Variants in ESCO2 observed in about 807,000 individuals in gnomAD.
ESCO2 encodes establishment of sister chromatid cohesion N-acetyltransferase 2, also known as N-acetyltransferase ESCO2.
A neutral mutation model predicts 61.7 loss-of-function variants in ESCO2; 51 were observed. That is an observed-to-expected ratio of 0.83 (90% confidence interval 0.66 to 1.04). The LOEUF (loss-of-function observed/expected upper bound fraction) is 1.04. ESCO2 is among the 50% of genes least tolerant of loss of function. The probability of loss-of-function intolerance (pLI) is 0.00; values close to 1 mark genes in which losing one functional copy is unlikely to be tolerated. For synonymous variants in ESCO2, 230 were observed against 238.2 expected (o/e 0.97, Z 0.32); for missense variants, 692 against 686.2 (o/e 1.01, Z -0.09).
chr8:27,775,163 G>T (rs1027452219), intron 1 of ESCO2, among the ~76,000 whole-genome samples: 3 of 152,178 alleles, frequency 2.0e-5, no homozygotes, highest in African/African-American at 7.2e-5. Context: ...CTTGCTCCGG[G>T]CTCATCAGCT....
chr8:27,790,818 G>A (rs1050564883), intron 7 of ESCO2, among the ~76,000 whole-genome samples: 4 of 152,120 alleles, frequency 2.6e-5, no homozygotes, highest in Admixed American at 1.3e-4. Flanking sequence ...GCAATGCCAC[G>A]TTTAATGCAT....
Position 27,775,557 on chromosome 8 carries a change from A to G in ESCO2, c.43A>G (p.Lys15Glu). 3.1e-6 allele frequency: 5 copies of G among 1,614,146 alleles called. No homozygotes were observed. The highest frequency in any genetic ancestry group is 4.2e-6 in the Non-Finnish European group (5 of 1,179,996). The change falls in exon 2 of 11, where the codon AAG becomes GAG. Residue 15 changes from lysine (K) to glutamate (E), a missense_variant. Physicochemically the swap from Lys to Glu is moderately conservative, Grantham distance 56. Transcript: ENST00000305188. Reference sequence around the variant, plus strand: ...AAGGAAGAGGAAGCAGGATTCTTTGAAGTGTGACAGGTGAATCTCAGCCTG... The same window carrying G: ...AAGGAAGAGGAAGCAGGATTCTTTGGAGTGTGACAGGTGAATCTCAGCCTG... ...TPRKRKQDSLKCDSLLHFTEN... is the reference protein window; with the variant it reads ...TPRKRKQDSLECDSLLHFTEN...
At chr8:27,788,283 T>C (rs907004087) in intron 6 of ESCO2, among the ~76,000 whole-genome samples, 1 of 152,192 alleles carries the variant, frequency 6.6e-6, no homozygotes, top group Non-Finnish European at 1.5e-5. Flanking sequence ...ATAATTAATA[T>C]AGAAGTCCTA....
downstream of ESCO2, chr8:27,811,260 T>TA (rs1303954777): frequency 1.1e-5 from 8 of 748,950 alleles, no homozygotes; most frequent in East Asian, 1.0e-4. Context: ...CCAGAAAATG[T>TA]AAAAATACAC....
chr8:27,796,245 G>A (rs115065240), intron 9 of ESCO2, among the ~76,000 whole-genome samples: 2,435 of 152,058 alleles, frequency 0.016, 65 homozygotes, highest in African/African-American at 0.055. Flanking sequence ...AGTCTCTTAC[G>A]ATCCTTTGTA....
chr8:27,800,067 A>C (rs2128957786), intron 10 of ESCO2, among the ~76,000 whole-genome samples: 1 of 152,268 alleles, frequency 6.6e-6, no homozygotes, highest in Non-Finnish European at 1.5e-5. Flanking sequence ...ACAGATGTGA[A>C]ATTACGCTTC....
At chr8:27,772,688 G>A (rs1804678666), upstream of ESCO2, 6 of 691,720 alleles carry the variant, frequency 8.7e-6, no homozygotes, top group Non-Finnish European at 1.5e-5. Flanking sequence ...AACGCCGGCC[G>A]TGGGCGCCAT....
downstream of ESCO2, chr8:27,810,401 C>A: frequency 6.2e-7 from 1 of 1,607,960 alleles, no homozygotes; most frequent in Non-Finnish European, 8.5e-7. Context: ...CAATTACTTT[C>A]TGGTATGATT....
At chr8:27,782,930 C>G (rs1035141435) in intron 4 of ESCO2, among the ~76,000 whole-genome samples, 2 of 152,078 alleles carry the variant, frequency 1.3e-5, no homozygotes, top group African/African-American at 4.8e-5. Flanking sequence ...TCATTTCTCA[C>G]AGTCTGCATT....
downstream of ESCO2, among the ~76,000 whole-genome samples, chr8:27,813,283 A>G (rs536495725): frequency 4.6e-5 from 7 of 152,112 alleles, no homozygotes; most frequent in East Asian, 1.4e-3. Context: ...ACACTTGGAC[A>G]CAGGGTGGGG....
At chr8:27,802,640 T>C (rs1422818873) in intron 10 of ESCO2, among the ~76,000 whole-genome samples, 1 of 67,098 alleles carries the variant, frequency 1.5e-5, no homozygotes, top group African/African-American at 6.5e-5. Flanking sequence ...AATATATATA[T>C]ATATATATAT....
chr8:27,781,792 T>TC (rs1804934278), intron 4 of ESCO2, among the ~76,000 whole-genome samples: 1 of 151,996 alleles, frequency 6.6e-6, no homozygotes, highest in Non-Finnish European at 1.5e-5. Context: ...CCTCAAGTGA[T>TC]CCCCCCACTT....
the ESCO2 span, among the ~76,000 whole-genome samples, chr8:27,817,753 G>C: frequency 6.6e-6 from 1 of 152,062 alleles, no homozygotes; most frequent in Non-Finnish European, 1.5e-5. Context: ...TTTAAATACA[G>C]CTTTCCAAAC....
chr8:27,803,180 T>C (rs1040095115), intron 10 of ESCO2, 126 bp from the exon 11 acceptor site: 4 of 817,696 alleles, frequency 4.9e-6, no homozygotes, highest in Non-Finnish European at 8.0e-6. Flanking sequence ...CTCTAAAATA[T>C]AAGGCATTTT....
At chr8:27,776,298 CAGT>C (rs759615922) in intron 2 of ESCO2, 61 bp from the exon 3 acceptor site, 29 of 1,337,722 alleles carry the variant, frequency 2.2e-5, no homozygotes, top group Non-Finnish European at 2.7e-5. Flanking sequence ...GCTTACTTAG[CAGT>C]AGATTTATGT....
intron 3 of ESCO2, chr8:27,779,051 A>G (rs1422665129): frequency 6.6e-6 from 1 of 152,408 alleles, no homozygotes; most frequent in Non-Finnish European, 1.5e-5. Flanking sequence ...AGTAGCTGGT[A>G]TTGTAGGCAC....
Position 27,776,525 on chromosome 8 carries a change from C to G in ESCO2, c.217C>G (p.Gln73Glu), listed in dbSNP as rs141222001. 8.7e-6 allele frequency: 14 copies of G among 1,613,956 alleles called. No homozygotes were observed. Among genetic ancestry groups the G allele is most frequent in the Non-Finnish European group, 1.2e-5 (14 of 1,180,020 alleles). Residue 73 changes from glutamine (Q) to glutamate (E), a missense_variant, in exon 3 of 11, where the codon CAA becomes GAA. Transcript: ENST00000305188. ...TEINRLPSANQGSPFKSALST... is the reference protein window; with the variant it reads ...TEINRLPSANEGSPFKSALST... ...AATAAATAGACTGCCATCAGCAAAT[C>G]AAGGCTCACCATTTAAATCTGCGCT...
intron 4 of ESCO2, among the ~76,000 whole-genome samples, chr8:27,782,882 CA>C (rs1246632000): frequency 6.6e-6 from 1 of 152,096 alleles, no homozygotes; most frequent in Non-Finnish European, 1.5e-5. Context: ...CTACCTCCTT[CA>C]GTGTCGTTAT....
downstream of ESCO2, chr8:27,810,234 T>A (rs1315787258): frequency 1.9e-6 from 2 of 1,028,720 alleles, no homozygotes; most frequent in Admixed American, 4.1e-5. Context: ...TAATAACTAC[T>A]GATAGTAACT....
Sources: allele counts gnomAD v4.1 joint callset (sites outside exome capture counted in the v4.1 genomes callset), GRCh38; gene constraint gnomAD v4.1.1; transcripts MANE v1.5; gene names NCBI Gene and HGNC (gene_info 2026-07-23, HGNC 2026-07-21).